TNRC6A: variants seen among roughly 807,000 people sequenced by gnomAD.
The protein encoded by TNRC6A is trinucleotide repeat containing adaptor 6A, also known as trinucleotide repeat-containing gene 6A protein.
Under a neutral mutation model 221.2 loss-of-function variants are expected in TNRC6A, and 44 were observed. That is an observed-to-expected ratio of 0.20 (90% CI 0.16 to 0.26). The LOEUF (loss-of-function observed/expected upper bound fraction) is 0.26, where lower values mean the gene tolerates loss of function less well. TNRC6A is among the 10% of genes least tolerant of loss of function. The pLI is 1.00. For synonymous variants in TNRC6A, 847 were observed against 838.5 expected, an observed-to-expected ratio of 1.01 and a Z score of -0.18; for missense variants, 2,199 against 2,404.4, an observed-to-expected ratio of 0.91 and a Z score of 1.79.
chr16:24,728,713 TG>T (rs1396662093), upstream of TNRC6A, among the ~76,000 whole-genome samples: 1 of 152,224 alleles, frequency 6.6e-6, no homozygotes, highest in Non-Finnish European at 1.5e-5. Flanking sequence ...TATGTCTTAT[TG>T]TATCTACATG....
In TNRC6A at chr16:24,702,188, T is replaced by TTTC. The variant is rs1466243554; in HGVS notation, n.403-48536_403-48535insCTT. Among the ~76,000 whole-genome samples the TTTC allele has an allele frequency of 2.0e-5, 3 of 149,216 alleles. No homozygotes were observed. In the East Asian group the frequency reaches 5.8e-4, roughly 29 times the overall value. On this transcript the variant is annotated intron_variant and non_coding_transcript_variant, in intron 2 of 2. Transcript: ENST00000566108. ...CTTTTCTTTTTTCTTTTTTCTTTTTTTTTTTTTGAGGCAGGGTTTCGCTCT... is the reference window on the plus strand; with the variant it reads ...CTTTTCTTTTTTCTTTTTTCTTTTTTTTCTTTTTTTGAGGCAGGGTTTCGCTCT...
At position 24,663,711 on chromosome 16, in the gene TNRC6A, C is replaced by T. The variant is rs566442717; in HGVS notation, n.402+22702C>T. ...TGTGACAACACACGCAAAACACTGC[C>T]AACCAGGGGAACTCACCTGAGCCTT... On this transcript the variant is annotated intron_variant and non_coding_transcript_variant, in intron 2 of 2. Transcript: ENST00000566108. The T allele has an allele frequency of 1.8e-3, 599 of 340,532 alleles. 8 individuals carry two copies. The highest frequency in any genetic ancestry group is 0.012 in the South Asian group (555 of 44,722). The allele number at this position is 340,532 out of a possible 1,614,324, so 21.1% of individuals were successfully genotyped here.
At chr16:24,804,411 A>G (rs1183852917) in intron 12 of TNRC6A, 92 bp downstream of exon 12, 7 of 1,416,354 alleles carry the variant, frequency 4.9e-6, no homozygotes, top group Non-Finnish European at 6.6e-6. Flanking sequence ...TTTATATAAT[A>G]TAAAGTGTTA....
chr16:24,775,966 T>A (rs960211755), intron 4 of TNRC6A, among the ~76,000 whole-genome samples: 1 of 152,182 alleles, frequency 6.6e-6, no homozygotes, highest in Non-Finnish European at 1.5e-5. Context: ...TAGCCTTATG[T>A]TCTGTGTTTT....
intron 1 of TNRC6A, among the ~76,000 whole-genome samples, chr16:24,618,806 T>G (rs1262631562): frequency 6.6e-6 from 1 of 151,778 alleles, no homozygotes; most frequent in Non-Finnish European, 1.5e-5. Context: ...ATTTTTTTTT[T>G]TTAAGTAGAG....
At chr16:24,768,783 TGTTTTAGAA>T (rs1335732408) in intron 4 of TNRC6A, among the ~76,000 whole-genome samples, 1 of 152,222 alleles carries the variant, frequency 6.6e-6, no homozygotes, top group Non-Finnish European at 1.5e-5. Flanking sequence ...TTTCTGCCAG[TGTTTTAGAA>T]GATTTACAAA....
intron 5 of TNRC6A, among the ~76,000 whole-genome samples, chr16:24,782,524 T>G (rs1341233511): frequency 6.6e-6 from 1 of 152,172 alleles, no homozygotes; most frequent in Non-Finnish European, 1.5e-5. Context: ...AGAACAAGTT[T>G]GCCAACCCCT....
chr16:24,743,500 A>G (rs971183738), intron 2 of TNRC6A, among the ~76,000 whole-genome samples: 4 of 151,912 alleles, frequency 2.6e-5, no homozygotes, highest in Admixed American at 1.3e-4. Flanking sequence ...TAATTTTTAT[A>G]TATTTGTAGA....
At chr16:24,613,640 A>T (rs74415504) in intron 1 of TNRC6A, among the ~76,000 whole-genome samples, 13,265 of 149,690 alleles carry the variant, frequency 0.089, 819 homozygotes, top group Non-Finnish European at 0.13. Flanking sequence ...CAATTCTCCC[A>T]CCTCAGCCTC....
chr16:24,816,543 A>C, intron 19 of TNRC6A: 1 of 319,920 alleles, frequency 3.1e-6, no homozygotes, highest in South Asian at 5.2e-5. Context: ...TAACACACAC[A>C]CAAGTACGTA....
intron 2 of TNRC6A, among the ~76,000 whole-genome samples, chr16:24,642,875 TC>T (rs1445646989): frequency 5.3e-5 from 8 of 151,074 alleles, no homozygotes; most frequent in African/African-American, 1.9e-4. Context: ...AGACCCTGTC[TC>T]TACAAAAAAT....
chr16:24,658,622 T>C (rs149126047), intron 2 of TNRC6A, among the ~76,000 whole-genome samples: 2,174 of 152,000 alleles, frequency 0.014, 27 homozygotes, highest in Non-Finnish European at 0.023. Context: ...CCTCCCAAAG[T>C]GCTGGGATTA....
At chr16:24,766,719 C>G (rs2057481216) in intron 4 of TNRC6A, among the ~76,000 whole-genome samples, 1 of 146,862 alleles carries the variant, frequency 6.8e-6, no homozygotes, top group Non-Finnish European at 1.5e-5. Context: ...CTCTGTCGCC[C>G]ACGCTGGAGT....
chr16:24,612,159 C>G (rs968575659), intron 1 of TNRC6A, among the ~76,000 whole-genome samples: 8 of 152,168 alleles, frequency 5.3e-5, no homozygotes, highest in Non-Finnish European at 1.0e-4. Flanking sequence ...GTATCTGTAG[C>G]CCCAGAGAAA....
intron 2 of TNRC6A, among the ~76,000 whole-genome samples, chr16:24,656,136 T>C (rs2054905496): frequency 8.0e-6 from 1 of 125,726 alleles, no homozygotes; most frequent in Non-Finnish European, 1.7e-5. Context: ...AACAAGACCT[T>C]GTCTCAAAAA....
At chr16:24,670,409 T>C (rs1333041743) in intron 2 of TNRC6A, among the ~76,000 whole-genome samples, 1 of 152,126 alleles carries the variant, frequency 6.6e-6, no homozygotes, top group Non-Finnish European at 1.5e-5. Flanking sequence ...AAACAACCCT[T>C]CCCGCAAGGG....
intron 3 of TNRC6A, among the ~76,000 whole-genome samples, chr16:24,756,167 G>A (rs757635089): frequency 6.6e-6 from 1 of 152,086 alleles, no homozygotes; most frequent in Non-Finnish European, 1.5e-5. Flanking sequence ...AAGGCATCTT[G>A]TGTTCTTTTA....
intron 2 of TNRC6A, among the ~76,000 whole-genome samples, chr16:24,703,231 C>T (rs1225164675): frequency 2.0e-5 from 3 of 152,090 alleles, no homozygotes; most frequent in Admixed American, 2.0e-4. Flanking sequence ...CCAGCAACCA[C>T]TAATCTACTT....
At chr16:24,779,697 C>A (rs965708421) in intron 5 of TNRC6A, among the ~76,000 whole-genome samples, 3 of 152,156 alleles carry the variant, frequency 2.0e-5, no homozygotes, top group African/African-American at 7.2e-5. Flanking sequence ...CAGTGAAGAA[C>A]AAGGTACTAG....
Sources: gnomAD v4.1 joint callset for allele counts (sites outside exome capture counted in the v4.1 genomes callset) on GRCh38, gnomAD v4.1.1 for gene constraint, MANE v1.5 for transcripts, NCBI Gene and HGNC (gene_info 2026-07-23, HGNC 2026-07-21) for gene names.